Variants in TTC27 observed in about 807,000 individuals in gnomAD.
The protein encoded by TTC27 is tetratricopeptide repeat domain 27, also known as tetratricopeptide repeat protein 27.
TTC27 carries 79 observed loss-of-function variants against 115.9 expected under a neutral mutation model. The ratio of observed to expected loss-of-function variants is 0.68; its 90% CI spans 0.57 to 0.82. The LOEUF is 0.82. Among genes scored for constraint, TTC27 ranks in the 40% least tolerant of loss-of-function variants. TTC27 has a pLI of 0.00. For missense variants in TTC27, 1,054 were observed against 993.1 expected, an observed-to-expected ratio of 1.06 and a Z score of -0.82; for synonymous variants, 401 against 356.0, an observed-to-expected ratio of 1.13 and a Z score of -1.42.
chr2:32,714,331 T>C (rs542969209), intron 10 of TTC27, among the ~76,000 whole-genome samples: 6 of 152,154 alleles, frequency 3.9e-5, no homozygotes, highest in African/African-American at 1.4e-4. Flanking sequence ...GCTAATTTTT[T>C]GTATTTTTAG....
rs192187050 is a variant in TTC27, at chr2:32,761,488, C to G, written c.1680+2969C>G. On this transcript the variant is annotated intron_variant, in intron 13 of 19. Transcript: ENST00000317907. ...GGTAATACCCAGTCTCTTAATGGCTCTCAAGACTTTCCCCAGTATCTAGCT... is the reference window on the plus strand; with the variant it reads ...GGTAATACCCAGTCTCTTAATGGCTGTCAAGACTTTCCCCAGTATCTAGCT... Among the ~76,000 whole-genome samples, 3 of 152,260 alleles carry G rather than the reference C, an allele frequency of 2.0e-5. No homozygotes were observed. In the South Asian group the frequency reaches 6.2e-4, roughly 32 times the overall value.
At chr2:32,645,486 C>G (rs971696493) in intron 4 of TTC27, among the ~76,000 whole-genome samples, 1 of 152,118 alleles carries the variant, frequency 6.6e-6, no homozygotes, top group African/African-American at 2.4e-5. Context: ...TTATCTAAAG[C>G]AAGACCTCAA....
intron 10 of TTC27, among the ~76,000 whole-genome samples, chr2:32,714,931 G>A (rs1667705003): frequency 6.6e-6 from 1 of 151,914 alleles, no homozygotes; most frequent in Non-Finnish European, 1.5e-5. Flanking sequence ...TTTTTAATGG[G>A]GTTGTTTTTT....
At chr2:32,748,595 G>A (rs1668906380) in intron 12 of TTC27, among the ~76,000 whole-genome samples, 1 of 151,698 alleles carries the variant, frequency 6.6e-6, no homozygotes, top group Non-Finnish European at 1.5e-5. Context: ...ATGCAATTTG[G>A]AGTTATTTTA....
At chr2:32,643,188 T>C (rs2710624) in intron 4 of TTC27, among the ~76,000 whole-genome samples, 116,647 of 152,112 alleles carry the variant, frequency 0.77, 45,267 homozygotes, top group East Asian at 0.89. Context: ...TATATGAGGC[T>C]TCGTCTTTTG....
chr2:32,820,255 C>T (rs1432024611), intron 19 of TTC27, among the ~76,000 whole-genome samples: 1 of 152,150 alleles, frequency 6.6e-6, no homozygotes, highest in East Asian at 1.9e-4. Flanking sequence ...GAGGCATTTC[C>T]AAATGTTTTC....
intron 6 of TTC27, among the ~76,000 whole-genome samples, 166 bp downstream of exon 6, chr2:32,664,633 A>G (rs911252892): frequency 1.7e-4 from 26 of 152,220 alleles, no homozygotes; most frequent in African/African-American, 6.0e-4. Flanking sequence ...ACAAATTTGA[A>G]ATGATATATT....
intron 12 of TTC27, among the ~76,000 whole-genome samples, chr2:32,739,668 G>A (rs1186197854): frequency 6.6e-6 from 1 of 152,098 alleles, no homozygotes; most frequent in Non-Finnish European, 1.5e-5. Flanking sequence ...GTTGATTTTA[G>A]TATTTTATTT....
At chr2:32,820,210 G>C (rs770325499) in intron 19 of TTC27, among the ~76,000 whole-genome samples, 2 of 152,180 alleles carry the variant, frequency 1.3e-5, no homozygotes, top group Non-Finnish European at 2.9e-5. Flanking sequence ...TGATTTTCTT[G>C]GGGGCCTATG....
chr2:32,767,607 G>A (rs961755466), intron 13 of TTC27, among the ~76,000 whole-genome samples: 21 of 151,268 alleles, frequency 1.4e-4, no homozygotes, highest in African/African-American at 4.4e-4. Flanking sequence ...GACTACAGGC[G>A]CCCGCCACCG....
rs1009469508 is a variant in TTC27 at position 32,766,020 on chromosome 2, C to T, written c.1680+7501C>T. Among the ~76,000 whole-genome samples, 5 of 152,194 alleles carry T rather than the reference C, an allele frequency of 3.3e-5. No individual in the cohort carries two copies. In the East Asian group the frequency reaches 9.6e-4, roughly 29 times the overall value. On this transcript the variant is annotated intron_variant, in intron 13 of 19. Transcript: ENST00000317907. ...TTCGCTTTCTTATCACTTGTGTATT[C>T]CCTGGAGGAGCACTTTTAATTTCCT... is the stretch of plus-strand genomic sequence containing the variant.
At chr2:32,676,800 T>G (rs1171011942) in intron 8 of TTC27, among the ~76,000 whole-genome samples, 1 of 151,958 alleles carries the variant, frequency 6.6e-6, no homozygotes, top group Non-Finnish European at 1.5e-5. Flanking sequence ...CTTTTCATTC[T>G]TAATATATGA....
chr2:32,787,942 A>G (rs1301457456), intron 16 of TTC27, among the ~76,000 whole-genome samples: 1 of 152,220 alleles, frequency 6.6e-6, no homozygotes, highest in Non-Finnish European at 1.5e-5. Context: ...CTGACAGTCA[A>G]TAGTTGTCCT....
chr2:32,723,965 C>T (rs1331514965), intron 10 of TTC27, among the ~76,000 whole-genome samples: 1 of 74,332 alleles, frequency 1.3e-5, no homozygotes, highest in Non-Finnish European at 2.8e-5. Flanking sequence ...AGCTGGCATA[C>T]ATAAGCTTTT....
At chr2:32,786,784 T>G (rs555060284) in intron 15 of TTC27, among the ~76,000 whole-genome samples, 200 bp from the exon 16 acceptor site, 1 of 152,342 alleles carries the variant, frequency 6.6e-6, no homozygotes, top group African/African-American at 2.4e-5. Flanking sequence ...GTATGTATGC[T>G]ACATATGCCA....
intron 4 of TTC27, among the ~76,000 whole-genome samples, chr2:32,644,316 A>G (rs1572469914): frequency 6.6e-6 from 1 of 151,000 alleles, no homozygotes; most frequent in African/African-American, 2.4e-5. Context: ...CGCGCACCGC[A>G]CTCCAGCCGA....
At chr2:32,776,142 C>T (rs1669990429) in intron 13 of TTC27, among the ~76,000 whole-genome samples, 1 of 152,124 alleles carries the variant, frequency 6.6e-6, no homozygotes, top group Admixed American at 6.6e-5. Flanking sequence ...ATTACCTGTC[C>T]CTCTAACAAA....
At chr2:32,637,732 A>G (rs950538680) in intron 3 of TTC27, among the ~76,000 whole-genome samples, 2 of 152,148 alleles carry the variant, frequency 1.3e-5, no homozygotes, top group Non-Finnish European at 2.9e-5. Context: ...TGAATTTACA[A>G]CATGATCCGA....
intron 14 of TTC27, among the ~76,000 whole-genome samples, chr2:32,780,632 G>A (rs1670144165): frequency 6.6e-6 from 1 of 151,910 alleles, no homozygotes; most frequent in African/African-American, 2.4e-5. Context: ...TAGAGATGAG[G>A]TTTCTCCATG....
Sources: gnomAD v4.1 joint callset for allele counts (sites outside exome capture counted in the v4.1 genomes callset) on GRCh38, gnomAD v4.1.1 for gene constraint, MANE v1.5 for transcripts, NCBI Gene and HGNC (gene_info 2026-07-23, HGNC 2026-07-21) for gene names.